Variants in NR1H3 observed in about 807,000 individuals in gnomAD.
NR1H3 encodes the protein nuclear receptor subfamily 1 group H member 3, also known as oxysterols receptor LXR-alpha.
A neutral mutation model predicts 48.1 loss-of-function variants in NR1H3; 19 were observed. The ratio of observed to expected loss-of-function variants is 0.40; its 90% CI spans 0.28 to 0.58. The LOEUF (loss-of-function observed/expected upper bound fraction) is 0.58. Among genes scored for constraint, NR1H3 ranks in the 20% least tolerant of loss-of-function variants. The pLI, the probability that NR1H3 is intolerant of heterozygous loss-of-function variation, is 0.50. For synonymous variants in NR1H3, 232 were observed against 227.3 expected, an observed-to-expected ratio of 1.02 and a Z score of -0.19; for missense variants, 486 against 595.9, an observed-to-expected ratio of 0.82 and a Z score of 1.92.
At chr11:47,260,061 C>G in intron 3 of NR1H3, 82 bp downstream of exon 3, 1 of 1,216,954 alleles carries the variant, frequency 8.2e-7, no homozygotes, top group Non-Finnish European at 1.1e-6. Context: ...GGGGTTTTTA[C>G]TTTATATATA....
At chr11:47,252,012 G>C (rs1230438961) in intron 1 of NR1H3, among the ~76,000 whole-genome samples, 1 of 147,664 alleles carries the variant, frequency 6.8e-6, no homozygotes, top group Non-Finnish European at 1.5e-5. Flanking sequence ...TTTTCTGCCA[G>C]ATGATTCTGT....
chr11:47,249,105 C>T (rs1234589680), intron 1 of NR1H3: 2 of 1,097,436 alleles, frequency 1.8e-6, no homozygotes, highest in African/African-American at 1.6e-5. Context: ...ACCAAGGTGG[C>T]ACTTGCAGTG....
intron 4 of NR1H3, 52 bp from the exon 5 acceptor site, chr11:47,261,189 G>GC: frequency 3.6e-6 from 3 of 842,994 alleles, no homozygotes; most frequent in Non-Finnish European, 5.0e-6. Context: ...CCACCCCCTT[G>GC]CCCCATCCTT....
At chr11:47,254,186 C>G (rs1444390461), upstream of NR1H3, among the ~76,000 whole-genome samples, 1 of 152,168 alleles carries the variant, frequency 6.6e-6, no homozygotes, top group African/African-American at 2.4e-5. Context: ...GTATGTGGTC[C>G]TGGGTCCTGG....
In NR1H3 at chr11:47,263,302, T is replaced by G. The variant is rs192048899; in HGVS notation, c.988+1284T>G. ...TTTTTTGAGATAAGTTCTTGCTCTG[T>G]CACGCAGGCTGAAGTGCAGTGGCAT... On this transcript the variant is annotated intron_variant, in intron 7 of 9. Coordinates refer to ENST00000441012, the MANE Select transcript of NR1H3 (RefSeq NM_005693.4). Among the ~76,000 whole-genome samples, 894 of 150,966 alleles carry G rather than the reference T, an allele frequency of 5.9e-3. 11 individuals carry two copies. Among genetic ancestry groups the G allele is most frequent in the African/African-American group, 0.02 (842 of 41,080 alleles).
Position 47,268,726 on chromosome 11 carries a change from T to C in NR1H3, c.*30T>C. 1 of 1,606,904 alleles carries C rather than the reference T, an allele frequency of 6.2e-7. No homozygotes were observed. Among genetic ancestry groups the C allele is most frequent in the South Asian group, 1.1e-5 (1 of 90,674 alleles). On this transcript the variant is annotated 3_prime_UTR_variant, in exon 10 of 10. Transcript: ENST00000441012. ...TCTGTCCCCATATTTTCTGTTTTCT[T>C]GGCCGGATGGCTGAGGCCTGGTGGC...
intron 3 of NR1H3, 61 bp downstream of exon 3, chr11:47,260,040 G>T: frequency 7.3e-7 from 1 of 1,375,756 alleles, no homozygotes. Context: ...GGATCTGGAA[G>T]AGGTTCCTTG....
chr11:47,267,060 A>C (rs928274481), intron 7 of NR1H3, among the ~76,000 whole-genome samples: 1 of 152,078 alleles, frequency 6.6e-6, no homozygotes, highest in African/African-American at 2.4e-5. Flanking sequence ...TAATCCCAGC[A>C]CTTTGGGAGG....
At position 47,267,978 on chromosome 11, in the gene NR1H3, A is replaced by G. The variant is rs1355465996; in HGVS notation, c.1054A>G (p.Asn352Asp). 6.2e-7 allele frequency: 1 copy of G among 1,614,090 alleles called. No individual in the cohort carries two copies. ...CAGGGCCATGAATGAGCTGCAACTCAATGATGCCGAGTTTGCCTTGCTCAT... is the reference window on the plus strand; with the variant it reads ...CAGGGCCATGAATGAGCTGCAACTCGATGATGCCGAGTTTGCCTTGCTCAT... ...FSRAMNELQLNDAEFALLIAI... is the reference protein window; with the variant it reads ...FSRAMNELQLDDAEFALLIAI... The change falls in exon 8 of 10, where the codon AAT becomes GAT. Residue 352 changes from asparagine (N) to aspartate (D), a missense_variant. Physicochemically the swap from Asn to Asp is conservative, Grantham distance 23 (BLOSUM62 1). Coordinates refer to ENST00000441012, the MANE Select transcript of NR1H3 (RefSeq NM_005693.4).
intron 1 of NR1H3, among the ~76,000 whole-genome samples, chr11:47,249,981 T>G (rs1315761757): frequency 6.6e-6 from 1 of 151,536 alleles, no homozygotes; most frequent in Non-Finnish European, 1.5e-5. Context: ...GCTCCTGTAA[T>G]CCCAGCTACT....
chr11:47,261,472 G>T, intron 5 of NR1H3, 23 bp downstream of exon 5: 1 of 1,612,102 alleles, frequency 6.2e-7, no homozygotes, highest in Non-Finnish European at 8.5e-7. Context: ...CCTGGGGAGA[G>T]GCGGCTGCGC....
chr11:47,248,340 C>A, upstream of NR1H3: 1 of 1,211,318 alleles, frequency 8.3e-7, no homozygotes, highest in Admixed American at 2.3e-5. Flanking sequence ...AGACCATAGG[C>A]AAAGCCAAGG....
intron 7 of NR1H3, among the ~76,000 whole-genome samples, chr11:47,264,631 A>G (rs1956273974): frequency 6.6e-6 from 1 of 152,182 alleles, no homozygotes; most frequent in African/African-American, 2.4e-5. Flanking sequence ...GCCCAGTTCT[A>G]AGATCTTTGT....
chr11:47,250,156 C>T (rs1009967963), intron 1 of NR1H3, among the ~76,000 whole-genome samples: 2 of 152,078 alleles, frequency 1.3e-5, no homozygotes, highest in East Asian at 1.9e-4. Flanking sequence ...TTTCTAATCC[C>T]AGCACTTTGG....
chr11:47,265,765 A>C (rs1340594261), intron 7 of NR1H3, among the ~76,000 whole-genome samples: 1 of 152,080 alleles, frequency 6.6e-6, no homozygotes, highest in African/African-American at 2.4e-5. Context: ...CCAGCTACTC[A>C]AGAGGCTGAG....
chr11:47,252,087 T>C (rs1954710884), intron 1 of NR1H3, among the ~76,000 whole-genome samples: 1 of 151,324 alleles, frequency 6.6e-6, no homozygotes, highest in Non-Finnish European at 1.5e-5. Context: ...AAAACACATG[T>C]AGATAGATGG....
chr11:47,257,775 C>T, upstream of NR1H3: 1 of 949,882 alleles, frequency 1.1e-6, no homozygotes, highest in Non-Finnish European at 1.2e-6. Context: ...CTTGGCTGGT[C>T]TGCAGGGAAA....
chr11:47,262,810 C>T (rs1215080188), intron 7 of NR1H3, among the ~76,000 whole-genome samples: 1 of 152,176 alleles, frequency 6.6e-6, no homozygotes, highest in East Asian at 1.9e-4. Context: ...TGAACCTGGC[C>T]AGGACTGGTG....
chr11:47,248,430 C>T, upstream of NR1H3: 5 of 1,539,458 alleles, frequency 3.2e-6, no homozygotes, highest in East Asian at 2.4e-5. Context: ...CCAAAGGCTT[C>T]TTTAGGGATG....
Sources: allele counts gnomAD v4.1 joint callset (sites outside exome capture counted in the v4.1 genomes callset), GRCh38; gene constraint gnomAD v4.1.1; transcripts MANE v1.5; gene names NCBI Gene and HGNC (gene_info 2026-07-23, HGNC 2026-07-21).